The following GRID2 variants were observed in gnomAD, a reference collection of about 807,000 sequenced individuals.
GRID2 encodes glutamate ionotropic receptor delta type subunit 2.
A neutral mutation model predicts 114.8 loss-of-function variants in GRID2; 33 were observed. The observed-to-expected ratio is 0.29, with a 90% CI of 0.22 to 0.38. GRID2 has a LOEUF of 0.38. GRID2 is among the 10% of genes least tolerant of loss of function. GRID2 has a pLI of 1.00. For synonymous variants in GRID2, 505 were observed against 449.9 expected, an observed-to-expected ratio of 1.12 and a Z score of -1.55; for missense variants, 1,184 against 1,257.7, an observed-to-expected ratio of 0.94 and a Z score of 0.89.
chr4:93,529,834 A>C (rs919745745), intron 13 of GRID2, among the ~76,000 whole-genome samples: 1 of 152,166 alleles, frequency 6.6e-6, no homozygotes, highest in Non-Finnish European at 1.5e-5. Context: ...TTTTAGGAAC[A>C]AAACAATACT....
chr4:93,016,584 A>G (rs966471217), intron 2 of GRID2, among the ~76,000 whole-genome samples: 1 of 152,158 alleles, frequency 6.6e-6, no homozygotes, highest in Non-Finnish European at 1.5e-5. Context: ...AGGCTGGATC[A>G]GCGTCTTTGA....
chr4:93,689,063 T>C (rs532230595), intron 14 of GRID2, among the ~76,000 whole-genome samples: 10 of 152,052 alleles, frequency 6.6e-5, no homozygotes, highest in African/African-American at 2.4e-4. Context: ...TACATGAAGA[T>C]GAAATTAGTA....
chr4:93,046,333 C>T (rs1471369146), intron 2 of GRID2, among the ~76,000 whole-genome samples: 1 of 151,994 alleles, frequency 6.6e-6, no homozygotes, highest in East Asian at 1.9e-4. Context: ...AATAAAAATG[C>T]CAGGATTCCC....
intron 2 of GRID2, among the ~76,000 whole-genome samples, chr4:92,599,333 C>T (rs1009013054): frequency 6.6e-6 from 1 of 151,966 alleles, no homozygotes; most frequent in Admixed American, 6.6e-5. Flanking sequence ...TGTAGAGCAA[C>T]ATAGTGTTGT....
chr4:93,274,822 C>CTGAAT (rs941478444), intron 8 of GRID2, among the ~76,000 whole-genome samples: 2 of 151,990 alleles, frequency 1.3e-5, no homozygotes, highest in African/African-American at 4.8e-5. Flanking sequence ...AGTCTAGTCT[C>CTGAAT]TGAATTTTTT....
chr4:92,985,369 C>T (rs996839609), intron 2 of GRID2, among the ~76,000 whole-genome samples: 1 of 151,788 alleles, frequency 6.6e-6, no homozygotes, highest in South Asian at 2.1e-4. Flanking sequence ...GCCTCAGCTG[C>T]GACTACAGGC....
intron 2 of GRID2, among the ~76,000 whole-genome samples, chr4:92,701,595 C>T (rs1436721521): frequency 6.6e-6 from 1 of 151,908 alleles, no homozygotes; most frequent in African/African-American, 2.4e-5. Flanking sequence ...GTTCTATCTA[C>T]GATGTGTGAT....
intron 8 of GRID2, among the ~76,000 whole-genome samples, chr4:93,370,231 C>A (rs1397545047): frequency 1.3e-5 from 2 of 152,106 alleles, no homozygotes; most frequent in Non-Finnish European, 2.9e-5. Flanking sequence ...ACTTAAAAAT[C>A]TGTCTAGCTT....
chr4:92,833,782 C>T (rs959547715), intron 2 of GRID2: 5 of 152,186 alleles, frequency 3.3e-5, no homozygotes, highest in South Asian at 2.1e-4. Context: ...CAGCAGCTTC[C>T]GCTGTTAGCT....
At chr4:92,736,223 T>A (rs1326895284) in intron 2 of GRID2, among the ~76,000 whole-genome samples, 1 of 152,016 alleles carries the variant, frequency 6.6e-6, no homozygotes, top group Admixed American at 6.6e-5. Context: ...TGGAGTGATT[T>A]GATTGTTGAT....
intron 1 of GRID2, among the ~76,000 whole-genome samples, chr4:92,395,144 A>G (rs1306422730): frequency 6.6e-6 from 1 of 151,550 alleles, no homozygotes; most frequent in Non-Finnish European, 1.5e-5. Context: ...TGTTTCCACA[A>G]TTATTCAAAA....
intron 10 of GRID2, among the ~76,000 whole-genome samples, chr4:93,431,759 A>G (rs1438684134): frequency 6.6e-6 from 1 of 152,190 alleles, no homozygotes; most frequent in African/African-American, 2.4e-5. Context: ...TAAAACAGAG[A>G]CTTGAGTAAA....
At chr4:92,873,858 G>T (rs1019277230) in intron 2 of GRID2, among the ~76,000 whole-genome samples, 3 of 152,132 alleles carry the variant, frequency 2.0e-5, no homozygotes, top group Non-Finnish European at 4.4e-5. Context: ...GAGATTACAG[G>T]CATGTGCCAC....
In GRID2 at chr4:92,492,369, A is replaced by AT. The variant is rs931825202; in HGVS notation, c.89-97756dup. On this transcript the variant is annotated intron_variant, in intron 1 of 15. Transcript: ENST00000282020. The stretch of plus-strand genomic sequence containing the variant: ...TTGTGCAATTAGCAAAAGTGGGACA[A>AT]TTTTTTGACAAAATGATGTTTATTA... Among the ~76,000 whole-genome samples, 149 of 152,284 alleles carry AT rather than the reference A, an allele frequency of 9.8e-4. 1 individual carries two copies. The highest frequency in any genetic ancestry group is 2.9e-3 in the Admixed American group (45 of 15,296).
intron 1 of GRID2, among the ~76,000 whole-genome samples, chr4:93,784,624 A>G (rs535683851): frequency 1.4e-5 from 2 of 143,842 alleles, no homozygotes; most frequent in Non-Finnish European, 3.0e-5. Context: ...ATTGTATTTT[A>G]TATTTTCAGA....
intron 2 of GRID2, among the ~76,000 whole-genome samples, chr4:93,042,391 T>C (rs1725646107): frequency 6.7e-6 from 1 of 148,322 alleles, no homozygotes; most frequent in South Asian, 2.1e-4. Flanking sequence ...TATATATGTG[T>C]ATATATACAT....
At chr4:93,135,468 T>C (rs961680059) in intron 4 of GRID2, among the ~76,000 whole-genome samples, 1 of 152,172 alleles carries the variant, frequency 6.6e-6, no homozygotes, top group South Asian at 2.1e-4. Flanking sequence ...AAGATAATAC[T>C]TTTTCACTTT....
At chr4:92,599,551 C>A (rs940966113) in intron 2 of GRID2, among the ~76,000 whole-genome samples, 2 of 152,030 alleles carry the variant, frequency 1.3e-5, no homozygotes, top group African/African-American at 4.8e-5. Context: ...ATTTCTTGTA[C>A]TGTACTTCAA....
At chr4:93,294,579 G>A (rs932436630) in intron 8 of GRID2, among the ~76,000 whole-genome samples, 1 of 152,144 alleles carries the variant, frequency 6.6e-6, no homozygotes, top group Non-Finnish European at 1.5e-5. Flanking sequence ...GCTGGTTTGT[G>A]ACAGAGTCTC....
Sources: gnomAD v4.1 joint callset for allele counts (sites outside exome capture counted in the v4.1 genomes callset) on GRCh38, gnomAD v4.1.1 for gene constraint, MANE v1.5 for transcripts, NCBI Gene and HGNC (gene_info 2026-07-23, HGNC 2026-07-21) for gene names.